The following DNAH9 variants were observed in gnomAD, a reference collection of about 807,000 sequenced individuals.
DNAH9 encodes the protein DNAH9 variant protein.
A neutral mutation model predicts 471.6 loss-of-function variants in DNAH9; 345 were observed. That is an observed-to-expected ratio of 0.73 (90% CI 0.67 to 0.80). The LOEUF (loss-of-function observed/expected upper bound fraction) is 0.80. Among genes scored for constraint, DNAH9 ranks in the 30% least tolerant of loss-of-function variants. The pLI, the probability that DNAH9 is intolerant of heterozygous loss-of-function variation, is 0.00. For missense variants in DNAH9, 5,407 were observed against 5,609.2 expected, an observed-to-expected ratio of 0.96 and a Z score of 1.15; for synonymous variants, 2,093 against 2,123.6, an observed-to-expected ratio of 0.99 and a Z score of 0.40.
chr17:11,643,261 GT>G (rs1309171880), intron 10 of DNAH9, among the ~76,000 whole-genome samples: 1 of 152,148 alleles, frequency 6.6e-6, no homozygotes, highest in African/African-American at 2.4e-5. Flanking sequence ...GCACACTTGT[GT>G]TTACACATGT....
At chr17:11,745,837 A>C (rs905282204) in intron 31 of DNAH9, among the ~76,000 whole-genome samples, 2 of 152,204 alleles carry the variant, frequency 1.3e-5, no homozygotes, top group East Asian at 3.9e-4. Context: ...TCCCAGGATA[A>C]AGTTATAAGC....
chr17:11,793,472 C>T (rs1969130561), intron 41 of DNAH9, 31 bp from the exon 42 acceptor site: 5 of 1,595,062 alleles, frequency 3.1e-6, no homozygotes, highest in South Asian at 1.1e-5. Flanking sequence ...TGGTTATTAA[C>T]GTTATTTTTT....
At chr17:11,654,355 C>CAAAAAAAATAAAAAA (rs2073587343) in intron 14 of DNAH9, among the ~76,000 whole-genome samples, 1 of 11,258 alleles carries the variant, frequency 8.9e-5, no homozygotes, top group African/African-American at 1.2e-4. Flanking sequence ...GACTCCGTCT[C>CAAAAAAAATAAAAAA]AAAAAAAAAA....
In DNAH9 at chr17:11,669,342, C is replaced by A. The variant is rs1223948941; in HGVS notation, c.2929-28C>A. 3.7e-6 allele frequency: 6 copies of A among 1,601,584 alleles called. No individual in the cohort carries two copies. In the East Asian group the frequency reaches 6.7e-5, roughly 18 times the overall value. ...AACTTCCTGCCACACACTGGTGTAA[C>A]CTGCCTGCCGTTGTCTCGCTTCCCC... On this transcript the variant is annotated intron_variant, in intron 16 of 68. Transcript: ENST00000262442.
chr17:11,852,708 C>T (rs137873818), intron 49 of DNAH9, among the ~76,000 whole-genome samples: 96 of 150,594 alleles, frequency 6.4e-4, no homozygotes, highest in Non-Finnish European at 1.1e-3. Context: ...CCCTGGGTCA[C>T]GACAGGTAGG....
chr17:11,762,252 G>A (rs1967709978), intron 35 of DNAH9, among the ~76,000 whole-genome samples: 1 of 152,158 alleles, frequency 6.6e-6, no homozygotes, highest in African/African-American at 2.4e-5. Context: ...TGACTGTTAA[G>A]GTGTCCATTG....
At chr17:11,601,089 T>A (rs1160193464) in intron 1 of DNAH9, among the ~76,000 whole-genome samples, 1 of 152,232 alleles carries the variant, frequency 6.6e-6, no homozygotes, top group Non-Finnish European at 1.5e-5. Context: ...TAGCATAATG[T>A]CCTCAAGGTT....
At chr17:11,944,479 C>T (rs143959702) in intron 67 of DNAH9, among the ~76,000 whole-genome samples, 6 of 152,194 alleles carry the variant, frequency 3.9e-5, no homozygotes, top group African/African-American at 7.2e-5. Flanking sequence ...GAGCAGCCCA[C>T]GGTCTGTTCT....
At chr17:11,611,882 T>A in intron 4 of DNAH9, 102 bp downstream of exon 4, 2 of 1,195,680 alleles carry the variant, frequency 1.7e-6, no homozygotes, top group Non-Finnish European at 2.5e-6. Flanking sequence ...CAAGTCCTTG[T>A]AAATTTCCGA....
At chr17:11,799,885 C>T (rs1244058188) in intron 43 of DNAH9, among the ~76,000 whole-genome samples, 2 of 152,040 alleles carry the variant, frequency 1.3e-5, no homozygotes, top group Admixed American at 1.3e-4. Context: ...GCGCCCAGCC[C>T]CCACTATCTT....
intron 22 of DNAH9, among the ~76,000 whole-genome samples, chr17:11,698,705 C>G (rs1002698721): frequency 1.3e-5 from 2 of 152,002 alleles, no homozygotes; most frequent in Non-Finnish European, 2.9e-5. Flanking sequence ...AGAAGCTCTA[C>G]CAGGGGGCAG....
chr17:11,735,353 G>A (rs1474296567), intron 28 of DNAH9, among the ~76,000 whole-genome samples: 2 of 152,158 alleles, frequency 1.3e-5, no homozygotes, highest in Admixed American at 1.3e-4. Context: ...ACCCCTGGGA[G>A]AGAGGGATTG....
intron 28 of DNAH9, among the ~76,000 whole-genome samples, chr17:11,729,354 G>T (rs1290040578): frequency 6.6e-6 from 1 of 152,146 alleles, no homozygotes; most frequent in African/African-American, 2.4e-5. Flanking sequence ...CCTTAACAGA[G>T]CAAAGCAATC....
At chr17:11,688,547 C>T (rs548860966) in intron 19 of DNAH9, among the ~76,000 whole-genome samples, 2 of 152,360 alleles carry the variant, frequency 1.3e-5, no homozygotes, top group Admixed American at 1.3e-4. Flanking sequence ...TTGCCTGAAG[C>T]TGATGCAGGC....
chr17:11,608,022 C>T, intron 1 of DNAH9, 107 bp from the exon 2 acceptor site: 1 of 787,648 alleles, frequency 1.3e-6, no homozygotes, highest in South Asian at 2.1e-5. Context: ...AGCACAGTGA[C>T]CTGCAAAAGG....
intron 38 of DNAH9, among the ~76,000 whole-genome samples, chr17:11,773,996 C>T (rs1355993382): frequency 1.3e-5 from 2 of 151,948 alleles, no homozygotes; most frequent in Non-Finnish European, 2.9e-5. Context: ...ATTAGCCAGG[C>T]GTGGTGGTGC....
Position 11,644,500 on chromosome 17 carries a change from C to T in DNAH9, c.1902-131C>T, listed in dbSNP as rs780707097. On this transcript the variant is annotated intron_variant, in intron 10 of 68. Transcript: ENST00000262442. The stretch of plus-strand genomic sequence containing the variant: ...GTAAGATGTTCGCGAAGAAGAAAGG[C>T]TCTTTCAGGGCTGTTTGGAAACGAG... The T allele has an allele frequency of 3.4e-5, 22 of 642,586 alleles. No individual in the cohort carries two copies. The Admixed American group carries it at 4.1e-4, about 12-fold the overall frequency. 39.8% of individuals were successfully genotyped at this position (642,586 alleles called of 1,614,324 possible).
intron 49 of DNAH9, among the ~76,000 whole-genome samples, chr17:11,841,888 A>G (rs1312097865): frequency 1.3e-5 from 2 of 152,072 alleles, no homozygotes; most frequent in African/African-American, 4.8e-5. Context: ...ATCTTTTCAA[A>G]TTTTTAGATT....
In DNAH9 at chr17:11,715,576, C is replaced by T. The variant is rs193047533; in HGVS notation, c.5553-3758C>T. The stretch of plus-strand genomic sequence containing the variant: ...TAAAATCCCTTCCAACGCTAACGTT[C>T]CTGTGTTCCCACTGGAACCAAACTA... On this transcript the variant is annotated intron_variant, in intron 26 of 68. Transcript: ENST00000262442. Among the ~76,000 whole-genome samples, 25 of 151,144 alleles carry T rather than the reference C, an allele frequency of 1.7e-4. No individual in the cohort carries two copies. In the South Asian group the frequency reaches 2.3e-3, roughly 14 times the overall value.
Sources: gnomAD v4.1 joint callset for allele counts (sites outside exome capture counted in the v4.1 genomes callset) on GRCh38, gnomAD v4.1.1 for gene constraint, MANE v1.5 for transcripts, NCBI Gene and HGNC (gene_info 2026-07-23, HGNC 2026-07-21) for gene names.